Variants in CNNM4 observed in about 807,000 individuals in gnomAD.
CNNM4 encodes the protein cyclin and CBS domain divalent metal cation transport mediator 4.
Under a neutral mutation model 53.7 loss-of-function variants are expected in CNNM4, and 32 were observed. The ratio of observed to expected loss-of-function variants is 0.60; its 90% CI spans 0.45 to 0.80. The LOEUF (loss-of-function observed/expected upper bound fraction) is 0.80, where lower values mean the gene tolerates loss of function less well. CNNM4 is among the 30% of genes least tolerant of loss of function. CNNM4 has a pLI of 0.00. For missense variants in CNNM4, 784 were observed against 1,022.0 expected (o/e 0.77, Z 3.17); for synonymous variants, 410 against 440.0 (o/e 0.93, Z 0.85).
chr2:96,770,470 CG>C (rs755237298), intron 1 of CNNM4, among the ~76,000 whole-genome samples: 24 of 152,278 alleles, frequency 1.6e-4, no homozygotes, highest in South Asian at 6.2e-4. Context: ...TTTGCTAGGG[CG>C]GGTAGACATG....
intron 1 of CNNM4, among the ~76,000 whole-genome samples, chr2:96,773,768 AG>A (rs1043470376): frequency 5.3e-5 from 8 of 151,546 alleles, no homozygotes; most frequent in Non-Finnish European, 1.0e-4. Context: ...GCTTGAACCC[AG>A]GAGGTGGAGG....
At chr2:96,781,531 T>C (rs1021057741) in intron 1 of CNNM4, among the ~76,000 whole-genome samples, 13 of 152,192 alleles carry the variant, frequency 8.5e-5, no homozygotes, top group African/African-American at 2.2e-4. Flanking sequence ...TAGTTTTATT[T>C]TGAGGGATAC....
chr2:96,767,466 T>G (rs2078829031), intron 1 of CNNM4, among the ~76,000 whole-genome samples: 1 of 152,152 alleles, frequency 6.6e-6, no homozygotes, highest in African/African-American at 2.4e-5. Flanking sequence ...GTGTTTTGCC[T>G]TCACCACTCT....
chr2:96,794,512 T>C (rs1181530113), intron 1 of CNNM4, among the ~76,000 whole-genome samples: 1 of 152,144 alleles, frequency 6.6e-6, no homozygotes, highest in Non-Finnish European at 1.5e-5. Context: ...GTATCTTGGA[T>C]TTCGTTCCGC....
intron 3 of CNNM4, among the ~76,000 whole-genome samples, chr2:96,798,585 C>T (rs2079127444): frequency 6.6e-6 from 1 of 152,190 alleles, no homozygotes; most frequent in Admixed American, 6.5e-5. Context: ...TTCCTTCCCA[C>T]CCCTTACTTG....
chr2:96,793,886 T>A (rs1277300840), intron 1 of CNNM4, among the ~76,000 whole-genome samples: 1 of 151,678 alleles, frequency 6.6e-6, no homozygotes, highest in African/African-American at 2.4e-5. Flanking sequence ...ACCTGGGAGG[T>A]GAAGGTTGCA....
rs2079177981 is a variant in CNNM4 at position 96,803,715 on chromosome 2, A to G, written c.1948+4067A>G. ...CGCTCTAGCCTGGGCAACAAGAGCG[A>G]AACTCTGTCTAAAAAAAAAAAAACC... On this transcript the variant is annotated intron_variant, in intron 5 of 6. Transcript: ENST00000377075. Among the ~76,000 whole-genome samples the G allele has an allele frequency of 7.0e-5, 10 of 142,574 alleles. 1 individual carries two copies. The South Asian group carries it at 2.1e-3, about 30-fold the overall frequency. The allele number at this position is 142,574 out of a possible 152,430, so 93.5% of individuals were successfully genotyped here. A position where few individuals can be genotyped will look rare whatever the true frequency, so the allele number is the denominator to read the frequency against.
intron 1 of CNNM4, among the ~76,000 whole-genome samples, chr2:96,786,445 G>A (rs921841920): frequency 6.6e-6 from 1 of 150,426 alleles, no homozygotes; most frequent in Non-Finnish European, 1.5e-5. Flanking sequence ...AAAAAGTAGT[G>A]TATTAGAGAA....
At chr2:96,806,543 G>GCA (rs1558998063) in intron 5 of CNNM4, among the ~76,000 whole-genome samples, 4 of 139,722 alleles carry the variant, frequency 2.9e-5, no homozygotes, top group Non-Finnish European at 4.5e-5. Flanking sequence ...ACACGCGCGC[G>GCA]CGCGCGCGCG....
At chr2:96,790,423 C>T (rs377576188) in intron 1 of CNNM4, among the ~76,000 whole-genome samples, 9 of 151,980 alleles carry the variant, frequency 5.9e-5, no homozygotes, top group East Asian at 5.9e-4. Flanking sequence ...GGCACGATCT[C>T]GGCGCACTGC....
Position 96,762,122 on chromosome 2 carries a change from G to T in CNNM4, c.1123G>T (p.Asp375Tyr). 1 of 1,614,070 alleles carries T rather than the reference G, an allele frequency of 6.2e-7. No homozygotes were observed. Among genetic ancestry groups the T allele is most frequent in the South Asian group, 1.1e-5 (1 of 91,072 alleles). ...GGAACTACGGACCAAAACTGTAGAGGATATCATGACCCAGCTCCAGGACTG... is the reference window on the plus strand; with the variant it reads ...GGAACTACGGACCAAAACTGTAGAGTATATCATGACCCAGCTCCAGGACTG... ...ALELRTKTVE[D>Y]IMTQLQDCFM... Residue 375 changes from aspartate (D) to tyrosine (Y), a missense_variant, in exon 1 of 7, where the codon GAT becomes TAT. Asp to Tyr is a radical substitution (Grantham distance 160, BLOSUM62 -3). Coordinates refer to ENST00000377075, the MANE Select transcript of CNNM4 (RefSeq NM_020184.4).
intron 1 of CNNM4, among the ~76,000 whole-genome samples, chr2:96,773,955 T>A (rs2078901434): frequency 6.6e-6 from 1 of 151,984 alleles, no homozygotes; most frequent in African/African-American, 2.4e-5. Context: ...TCAGATGCCA[T>A]CTTATCTGAA....
rs2079111444 is a variant in CNNM4 at position 96,797,161 on chromosome 2, T to C, written c.1546+6T>C. On this transcript the variant is annotated splice_donor_region_variant and intron_variant, in intron 2 of 6. Coordinates refer to ENST00000377075, the MANE Select transcript of CNNM4 (RefSeq NM_020184.4). This position sits in a 1 kb window ranked among gnomAD's most constrained non-coding sequence, Gnocchi z 6.0. ...GGACGAGTCCGACATGTACAGTGAG[T>C]CCAGCCTTCCACAGGGCCCAGGACC... 1.9e-6 allele frequency: 3 copies of C among 1,613,978 alleles called. No individual in the cohort carries two copies. The highest frequency in any genetic ancestry group is 2.5e-6 in the Non-Finnish European group (3 of 1,179,998).
rs761645419 is a variant in CNNM4, at chr2:96,797,627, C to T, written c.1661C>T (p.Ala554Val). Residue 554 changes from alanine (A) to valine (V), a missense_variant, in exon 3 of 7, where the codon GCT (alanine) becomes GTT (valine). Ala to Val is a moderately conservative substitution (Grantham distance 64). Transcript: ENST00000377075. The surrounding 1 kb of genome is among the most constrained non-coding windows in gnomAD (Gnocchi z 6.0). ...ATCTCCCCGCAGCTCCTCCTGGCCGCTCATCGCTTCCTAGCCACAGGTAGC... is the reference window on the plus strand; with the variant it reads ...ATCTCCCCGCAGCTCCTCCTGGCCGTTCATCGCTTCCTAGCCACAGGTAGC... ...VKISPQLLLA[A>V]HRFLATEVSQ... The T allele has an allele frequency of 4.3e-6, 7 of 1,614,032 alleles. No individual in the cohort carries two copies. The East Asian group carries it at 1.3e-4, about 31-fold the overall frequency.
At chr2:96,772,286 C>G (rs990526350) in intron 1 of CNNM4, among the ~76,000 whole-genome samples, 1 of 148,266 alleles carries the variant, frequency 6.7e-6, no homozygotes, top group Admixed American at 6.7e-5. Flanking sequence ...CACTCATACC[C>G]CCACATAGGC....
rs151020163 is a variant in CNNM4 at position 96,806,506 on chromosome 2, A to AACACAC, written c.1949-2030_1949-2025dup. Among the ~76,000 whole-genome samples the AACACAC allele has an allele frequency of 7.5e-3, 1,022 of 135,396 alleles. 10 individuals carry two copies. Among genetic ancestry groups the AACACAC allele is most frequent in the African/African-American group, 0.025 (899 of 35,524 alleles). 88.8% of individuals were successfully genotyped at this position (135,396 alleles called of 152,430 possible). ...ACTCTTCTTCCTTCCCTAGCTATCCAACACACACACACACACACACACACA... is the reference window on the plus strand; with the variant it reads ...ACTCTTCTTCCTTCCCTAGCTATCCAACACACACACACACACACACACACACACACA... On this transcript the variant is annotated intron_variant, in intron 5 of 6. Coordinates refer to ENST00000377075, the MANE Select transcript of CNNM4 (RefSeq NM_020184.4).
rs924708360 is a variant in CNNM4, at chr2:96,806,831, A to G, written c.1949-1730A>G. On this transcript the variant is annotated intron_variant, in intron 5 of 6. Transcript: ENST00000377075. ...GTTTCTTTTTCAAAATAAGAAGCCC[A>G]TTCTTCCTTATTCAAGATTGTTACA... is the stretch of plus-strand genomic sequence containing the variant. Among the ~76,000 whole-genome samples, 7 of 152,276 alleles carry G rather than the reference A, an allele frequency of 4.6e-5. No individual in the cohort carries two copies. In the East Asian group the frequency reaches 7.7e-4, roughly 17 times the overall value.
intron 1 of CNNM4, among the ~76,000 whole-genome samples, chr2:96,766,413 A>G (rs1027854914): frequency 1.1e-4 from 17 of 152,064 alleles, no homozygotes; most frequent in Admixed American, 7.2e-4. Flanking sequence ...TGCTCCCACC[A>G]TGGGGCCTTT....
At chr2:96,796,409 G>A (rs1019723668) in intron 1 of CNNM4, among the ~76,000 whole-genome samples, 18 of 151,966 alleles carry the variant, frequency 1.2e-4, no homozygotes, top group Admixed American at 7.9e-4. Context: ...CCCGTCCAAG[G>A]TGCTGGGATT....
Sources: gnomAD v4.1 joint callset for allele counts (sites outside exome capture counted in the v4.1 genomes callset) on GRCh38, gnomAD v4.1.1 for gene constraint, Gnocchi (gnomAD v3.1) non-coding constraint, MANE v1.5 for transcripts, NCBI Gene and HGNC (gene_info 2026-07-23, HGNC 2026-07-21) for gene names.